ARAP3: variants seen among roughly 807,000 people sequenced by gnomAD.
The protein encoded by ARAP3 is ArfGAP with RhoGAP domain, ankyrin repeat and PH domain 3, also known as arf-GAP with Rho-GAP domain, ANK repeat and PH domain-containing protein 3.
A neutral mutation model predicts 169.2 loss-of-function variants in ARAP3; 82 were observed. The observed-to-expected ratio is 0.48, with a 90% CI of 0.41 to 0.58. The LOEUF (loss-of-function observed/expected upper bound fraction) is 0.58, where lower values mean the gene tolerates loss of function less well. ARAP3 is among the 20% of genes least tolerant of loss of function. The probability of loss-of-function intolerance (pLI) is 0.00; values close to 1 mark genes in which losing one functional copy is unlikely to be tolerated. For synonymous variants in ARAP3, 791 were observed against 800.3 expected, an observed-to-expected ratio of 0.99 and a Z score of 0.20; for missense variants, 1,764 against 2,018.0, an observed-to-expected ratio of 0.87 and a Z score of 2.41.
Position 141,656,142 on chromosome 5 carries a change from G to C in ARAP3, c.3873-43C>G, listed in dbSNP as rs375912874. The C allele has an allele frequency of 5.6e-5, 91 of 1,614,118 alleles. No individual in the cohort carries two copies. In the South Asian group the frequency reaches 9.3e-4, roughly 17 times the overall value. On this transcript the variant is annotated intron_variant, in intron 28 of 32. Transcript: ENST00000239440. ...GTGATGGGGCAGTCAGAAAGGGCAGGGGGGTGAAGGCAGGAAGGCCCTGGA... is the reference window on the plus strand; with the variant it reads ...GTGATGGGGCAGTCAGAAAGGGCAGCGGGGTGAAGGCAGGAAGGCCCTGGA...
intron 1 of ARAP3, among the ~76,000 whole-genome samples, chr5:141,681,347 AGT>A (rs1360335369): frequency 1.3e-5 from 2 of 152,146 alleles, no homozygotes; most frequent in Non-Finnish European, 1.5e-5. Context: ...GCGATTTGGC[AGT>A]GTGAAATGCC....
In ARAP3 at chr5:141,672,403, C is replaced by T. The variant is rs745875723; in HGVS notation, c.1386-102G>A. On this transcript the variant is annotated intron_variant, in intron 9 of 32. Transcript: ENST00000239440. The surrounding 1 kb of genome is among the most constrained non-coding windows in gnomAD (Gnocchi z 4.9). Reference sequence around the variant, plus strand: ...CACCACAGGCCACACCTGGGGCAGCCCAGACCCTTCTGACATCTTGACCTA... The same window carrying T: ...CACCACAGGCCACACCTGGGGCAGCTCAGACCCTTCTGACATCTTGACCTA... The T allele has an allele frequency of 6.0e-5, 91 of 1,523,402 alleles. No individual in the cohort carries two copies. Among genetic ancestry groups the T allele is most frequent in the Non-Finnish European group, 7.9e-5 (88 of 1,116,980 alleles). The allele number at this position is 1,523,402 out of a possible 1,614,324, so 94.4% of individuals were successfully genotyped here.
At position 141,659,480 on chromosome 5, in the gene ARAP3, T is replaced by G; in HGVS notation, c.3268-4A>C. The G allele has an allele frequency of 6.2e-7, 1 of 1,613,956 alleles. No individual in the cohort carries two copies. The highest frequency in any genetic ancestry group is 2.2e-5 in the East Asian group (1 of 44,874). ...GAGCTACCTGGTCAGAATCGATCTG[T>G]GAAAGAGCCAAAAGAGAGTGTTGGG... On this transcript the variant is annotated splice_region_variant and splice_polypyrimidine_tract_variant and intron_variant, in intron 22 of 32. Coordinates refer to ENST00000239440, the MANE Select transcript of ARAP3 (RefSeq NM_022481.6).
rs199818610 is a variant in ARAP3, at chr5:141,656,507, C to A, written c.3786G>T (p.Lys1262Asn). 1 of 1,611,570 alleles carries A rather than the reference C, an allele frequency of 6.2e-7. No homozygotes were observed. Among genetic ancestry groups the A allele is most frequent in the Non-Finnish European group, 8.5e-7 (1 of 1,178,868 alleles). Residue 1262 changes from lysine to asparagine, a missense_variant, in exon 27 of 33, where the codon AAG becomes AAT. Physicochemically the swap from Lys to Asn is moderately conservative, Grantham distance 94. Coordinates refer to ENST00000239440, the MANE Select transcript of ARAP3 (RefSeq NM_022481.6). Reference protein sequence around the residue: ...RGRCLLLLKEKKSSKPEREWP... With the variant: ...RGRCLLLLKENKSSKPEREWP... ...ACCTCTGGCCCCAGGGCCTCACTTT[C>A]TTCTCCTTGAGCAGCAGCAGGCAGC...
intron 16 of ARAP3, among the ~76,000 whole-genome samples, chr5:141,668,558 G>A (rs1254058390): frequency 6.6e-6 from 1 of 152,208 alleles, no homozygotes; most frequent in Non-Finnish European, 1.5e-5. Flanking sequence ...CACCCTCCGG[G>A]TAGCACTGCC....
intron 32 of ARAP3, 102 bp downstream of exon 32, chr5:141,655,260 C>CACACACACA (rs1562401159): frequency 1.2e-4 from 99 of 834,554 alleles, no homozygotes; most frequent in African/African-American, 8.5e-4. Context: ...ACACACACAC[C>CACACACACA]CCCTGATGGC....
At position 141,672,604 on chromosome 5, in the gene ARAP3, G is replaced by A. The variant is rs756090076; in HGVS notation, c.1333C>T (p.Arg445Trp). The A allele has an allele frequency of 2.0e-5, 33 of 1,613,866 alleles. No individual in the cohort carries two copies. The highest frequency in any genetic ancestry group is 2.5e-5 in the Non-Finnish European group (29 of 1,179,914). The change falls in exon 9 of 33, where the codon CGG becomes TGG. Residue 445 changes from arginine (R) to tryptophan (W), a missense_variant. By Grantham distance (101) the Arg-to-Trp change is moderately radical. This residue lies in a region of ARAP3 where 630 missense variants were observed against 678.7 expected (regional missense o/e 0.93). Transcript: ENST00000239440. This position sits in a 1 kb window ranked among gnomAD's most constrained non-coding sequence, Gnocchi z 4.9. ...CFIELQGCSVRETKSRSFDLL... is the reference protein window; with the variant it reads ...CFIELQGCSVWETKSRSFDLL... ...TCAAAGCTTCGACTCTTGGTCTCCC[G>A]GACGCTGCAGCCCTGCAGTTCGATG...
In ARAP3 at chr5:141,672,291, C is replaced by T. The variant is rs773355780; in HGVS notation, c.1396G>A (p.Glu466Lys). Reference sequence around the variant, plus strand: ...CAGCTCTGCCGAGCACCCCCAGACTCGGCTGTGAAGCTGAGGGGTGGACAG... The same window carrying T: ...CAGCTCTGCCGAGCACCCCCAGACTTGGCTGTGAAGCTGAGGGGTGGACAG... ...TPHRCFSFTA[E>K]SGGARQSWAA... is the part of the protein sequence containing the mutation. Residue 466 changes from glutamate (E) to lysine (K), a missense_variant, in exon 10 of 33, where the codon GAG becomes AAG. Transcript: ENST00000239440. This position sits in a 1 kb window ranked among gnomAD's most constrained non-coding sequence, Gnocchi z 4.9. The T allele has an allele frequency of 3.7e-6, 6 of 1,613,982 alleles. No individual in the cohort carries two copies. Among genetic ancestry groups the T allele is most frequent in the Admixed American group, 3.3e-5 (2 of 60,002 alleles).
intron 4 of ARAP3, among the ~76,000 whole-genome samples, chr5:141,677,975 T>C (rs1230336955): frequency 4.2e-5 from 6 of 142,556 alleles, no homozygotes; most frequent in Non-Finnish European, 6.1e-5. Flanking sequence ...TGAGACGGAG[T>C]CCTGCTTTGT....
Position 141,676,518 on chromosome 5 carries a change from T to C in ARAP3, c.699-2710A>G, listed in dbSNP as rs557938764. ...TCACCCCATCACTCTGAGACTGTAC[T>C]TGTCAAGATCCCCAGTGACCTCCAA... On this transcript the variant is annotated intron_variant, in intron 4 of 32. Coordinates refer to ENST00000239440, the MANE Select transcript of ARAP3 (RefSeq NM_022481.6). Among the ~76,000 whole-genome samples the C allele has an allele frequency of 1.8e-4, 27 of 152,278 alleles. No homozygotes were observed. The South Asian group carries it at 5.6e-3, about 32-fold the overall frequency.
At chr5:141,670,169 A>G in intron 14 of ARAP3, 106 bp from the exon 15 acceptor site, 1 of 1,404,240 alleles carries the variant, frequency 7.1e-7, no homozygotes, top group Non-Finnish European at 9.6e-7. Context: ...CCCATATATG[A>G]TCCCATGTAA....
At position 141,665,009 on chromosome 5, in the gene ARAP3, C is replaced by T. The variant is rs750756676; in HGVS notation, c.2713G>A (p.Gly905Ser). 6.2e-7 allele frequency: 1 copy of T among 1,613,976 alleles called. No homozygotes were observed. Among genetic ancestry groups the T allele is most frequent in the South Asian group, 1.1e-5 (1 of 91,062 alleles). ...NAAIGGAAGG[G>S]GTGLQEQQMS... ...TGCTGCTCCTGCAGCCCTGTGCCGC[C>T]CCCACCAGCCGCGCCCCCAATGGCT... Residue 905 changes from glycine to serine, a missense_variant, in exon 19 of 33, where the codon GGC (glycine) becomes AGC (serine). Coordinates refer to ENST00000239440, the MANE Select transcript of ARAP3 (RefSeq NM_022481.6).
rs777896763 is a variant in ARAP3 at position 141,672,700 on chromosome 5, G to A, written c.1278+41C>T. ...GTGGGCATCATGAGGTGCCAGAAGG[G>A]ACTAGTTCAGGCCCCTCAGCCCTGG... On this transcript the variant is annotated intron_variant, in intron 8 of 32. Coordinates refer to ENST00000239440, the MANE Select transcript of ARAP3 (RefSeq NM_022481.6). This position sits in a 1 kb window ranked among gnomAD's most constrained non-coding sequence, Gnocchi z 4.9. 5.0e-6 allele frequency: 8 copies of A among 1,613,908 alleles called. No individual in the cohort carries two copies. The South Asian group carries it at 7.7e-5, about 16-fold the overall frequency.
At chr5:141,655,243 CA>C in intron 32 of ARAP3, 118 bp downstream of exon 32, 2 of 1,068,134 alleles carry the variant, frequency 1.9e-6, no homozygotes, top group East Asian at 5.2e-5. Flanking sequence ...CACACACACA[CA>C]CACACACACA....
intron 6 of ARAP3, 36 bp from the exon 7 acceptor site, chr5:141,673,169 G>A (rs867505374): frequency 6.2e-7 from 1 of 1,613,194 alleles, no homozygotes; most frequent in Middle Eastern, 1.7e-4. Flanking sequence ...ATGAGGACAG[G>A]AACTGAGCCA....
Position 141,655,490 on chromosome 5 carries a change from G to T in ARAP3, c.4111-90C>A, listed in dbSNP as rs372849091. 29 of 1,577,124 alleles carry T rather than the reference G, an allele frequency of 1.8e-5. No individual in the cohort carries two copies. In the East Asian group the frequency reaches 4.8e-4, roughly 26 times the overall value. ...CAGGAGACAGGGGTGGGGAATGGGG[G>T]TGAAGAAGGCAGAAGGGAGGGGGAC... On this transcript the variant is annotated intron_variant, in intron 31 of 32. Coordinates refer to ENST00000239440, the MANE Select transcript of ARAP3 (RefSeq NM_022481.6).
At chr5:141,666,230 A>G (rs1410392174) in intron 17 of ARAP3, among the ~76,000 whole-genome samples, 194 bp downstream of exon 17, 1 of 152,142 alleles carries the variant, frequency 6.6e-6, no homozygotes, top group Non-Finnish European at 1.5e-5. Context: ...GAGAGGTTAA[A>G]TAACTTGTCC....
At chr5:141,669,647 G>A (rs2099911167) in intron 16 of ARAP3, 62 bp downstream of exon 16, 2 of 1,483,626 alleles carry the variant, frequency 1.3e-6, no homozygotes, top group Non-Finnish European at 1.9e-6. Context: ...GAGAGGAGAA[G>A]ATGGGAGCAC....
intron 32 of ARAP3, 103 bp downstream of exon 32, chr5:141,655,256 ACAC>A: frequency 8.7e-7 from 1 of 1,149,070 alleles, no homozygotes; most frequent in Non-Finnish European, 1.2e-6. Flanking sequence ...ACACACACAC[ACAC>A]CCCCTGATGG....
Sources: gnomAD v4.1 joint callset for allele counts (sites outside exome capture counted in the v4.1 genomes callset) on GRCh38, gnomAD v4.1.1 for gene constraint, gnomAD v4.1.1 regional missense constraint, Gnocchi (gnomAD v3.1) non-coding constraint, MANE v1.5 for transcripts, NCBI Gene and HGNC (gene_info 2026-07-23, HGNC 2026-07-21) for gene names.